Variants in TMOD2 observed in about 807,000 individuals in gnomAD.
TMOD2 encodes tropomodulin 2, also known as tropomodulin-2.
In TMOD2, 22 loss-of-function variants were observed where a neutral mutation model predicts 39.9. That is an observed-to-expected ratio of 0.55 (90% CI 0.39 to 0.79). The LOEUF (loss-of-function observed/expected upper bound fraction) is 0.79. Ranked by LOEUF, TMOD2 falls within the 30% of genes least tolerant of loss-of-function variation. TMOD2 has a pLI of 0.00. For missense variants in TMOD2, 386 were observed against 413.3 expected (o/e 0.93, Z 0.57); for synonymous variants, 123 against 146.1 (o/e 0.84, Z 1.14).
chr15:51,787,377 C>T (rs1482358351), intron 7 of TMOD2, among the ~76,000 whole-genome samples: 4 of 152,380 alleles, frequency 2.6e-5, no homozygotes, highest in Non-Finnish European at 5.9e-5. Flanking sequence ...CCCACCACAG[C>T]TCAGGAAGGC....
chr15:51,782,227 T>C (rs1432914288), intron 6 of TMOD2, among the ~76,000 whole-genome samples: 4 of 152,182 alleles, frequency 2.6e-5, no homozygotes, highest in Non-Finnish European at 4.4e-5. Context: ...CCAAATATCA[T>C]TGAATTGCAA....
intron 9 of TMOD2, among the ~76,000 whole-genome samples, chr15:51,806,934 C>G (rs1005997134): frequency 6.6e-6 from 1 of 152,198 alleles, no homozygotes; most frequent in Non-Finnish European, 1.5e-5. Flanking sequence ...TACTTTGGCA[C>G]TTTACATGTG....
intron 4 of TMOD2, 39 bp downstream of exon 4, chr15:51,773,873 A>G (rs547038584): frequency 2.0e-5 from 32 of 1,577,648 alleles, no homozygotes; most frequent in Middle Eastern, 1.7e-4. Context: ...GTCTGGCTCT[A>G]TGACCTCCGA....
chr15:51,806,298 C>T (rs1203882722), intron 8 of TMOD2, 79 bp from the exon 9 acceptor site: 7 of 1,539,818 alleles, frequency 4.5e-6, no homozygotes, highest in African/African-American at 4.1e-5. Context: ...CAGCAAGTAG[C>T]CTTGTCTTTT....
chr15:51,801,658 GA>G (rs1296495696), intron 8 of TMOD2, among the ~76,000 whole-genome samples: 5 of 152,154 alleles, frequency 3.3e-5, no homozygotes, highest in Non-Finnish European at 7.3e-5. Flanking sequence ...CCCATGGGAA[GA>G]ACAATCGGTG....
intron 7 of TMOD2, among the ~76,000 whole-genome samples, chr15:51,790,204 A>T (rs193013815): frequency 6.6e-6 from 1 of 152,344 alleles, no homozygotes; most frequent in African/African-American, 2.4e-5. Flanking sequence ...AATACAAACT[A>T]TCATCAGAGA....
rs2056138785 is a variant in TMOD2 at position 51,808,991 on chromosome 15, T to C, written c.*537T>C. ...TCTTAGTTCCAGAAAAATCAGTAAA[T>C]GCACATGCCCTGTTGATTGGAGATC... On this transcript the variant is annotated 3_prime_UTR_variant, in exon 10 of 10. Coordinates refer to ENST00000249700, the MANE Select transcript of TMOD2 (RefSeq NM_014548.4). 1.3e-5 allele frequency: 2 copies of C among 152,720 alleles called. No homozygotes were observed. The highest frequency in any genetic ancestry group is 4.1e-4 in the South Asian group (2 of 4,838). The allele number at this position is 152,720 out of a possible 1,614,324, so 9.5% of individuals were successfully genotyped here.
rs1223383192 is a variant in TMOD2 at position 51,812,906 on chromosome 15, C to T, written c.*4452C>T. The T allele has an allele frequency of 2.6e-5, 4 of 152,162 alleles. No individual in the cohort carries two copies. The highest frequency in any genetic ancestry group is 5.9e-5 in the Non-Finnish European group (4 of 68,054). The allele number at this position is 152,162 out of a possible 1,614,324, so 9.4% of individuals were successfully genotyped here. On this transcript the variant is annotated 3_prime_UTR_variant, in exon 10 of 10. Transcript: ENST00000249700. The stretch of plus-strand genomic sequence containing the variant: ...TCTTATTGCTTTCATCTCAAATATC[C>T]CTGCTACTCAACCAATCCTAAAGCT...
intron 7 of TMOD2, 31 bp downstream of exon 7, chr15:51,782,859 A>G (rs752950673): frequency 1.3e-6 from 2 of 1,576,980 alleles, no homozygotes; most frequent in East Asian, 2.2e-5. Context: ...TATAACATGA[A>G]GTTATTTAAT....
chr15:51,769,199 A>C (rs950239079), intron 3 of TMOD2, among the ~76,000 whole-genome samples: 1 of 152,188 alleles, frequency 6.6e-6, no homozygotes, highest in Non-Finnish European at 1.5e-5. Context: ...TCGAACCCCA[A>C]AGAAAGTTTT....
rs1309089540 is a variant in TMOD2 at position 51,813,227 on chromosome 15, T to C, written c.*4773T>C. On this transcript the variant is annotated 3_prime_UTR_variant, in exon 10 of 10. Transcript: ENST00000249700. ...TGGCAGAACTGAGATTTGCTCAGCT[T>C]ATCTCTTTCCCATCTGTCTGTAATA... is the stretch of plus-strand genomic sequence containing the variant. The C allele has an allele frequency of 6.6e-6, 1 of 152,238 alleles. No homozygotes were observed. The highest frequency in any genetic ancestry group is 2.4e-5 in the African/African-American group (1 of 41,462). 9.4% of individuals were successfully genotyped at this position (152,238 alleles called of 1,614,324 possible).
chr15:51,809,294 C>G lies in TMOD2; in HGVS notation c.*840C>G, dbSNP rs556184672. On this transcript the variant is annotated 3_prime_UTR_variant, in exon 10 of 10. Coordinates refer to ENST00000249700, the MANE Select transcript of TMOD2 (RefSeq NM_014548.4). ...TAAAACAGTACATTCCTGAATAAAA[C>G]AACAATATTGTATCTTAATCAAGGC... is the stretch of plus-strand genomic sequence containing the variant. 11 of 152,678 alleles carry G rather than the reference C, an allele frequency of 7.2e-5. No individual in the cohort carries two copies. In the South Asian group the frequency reaches 2.3e-3, roughly 32 times the overall value. The allele number at this position is 152,678 out of a possible 1,614,324, so 9.5% of individuals were successfully genotyped here.
chr15:51,781,536 T>G (rs2055929573), intron 6 of TMOD2, among the ~76,000 whole-genome samples: 2 of 152,182 alleles, frequency 1.3e-5, no homozygotes, highest in South Asian at 4.1e-4. Flanking sequence ...TCAAATGAGA[T>G]GGTAGTGAAG....
intron 1 of TMOD2, among the ~76,000 whole-genome samples, chr15:51,752,166 T>G (rs550295969): frequency 3.2e-4 from 48 of 152,222 alleles, no homozygotes; most frequent in Non-Finnish European, 6.2e-4. Context: ...AGGGGTGGAC[T>G]GGCCGGCGTC....
At chr15:51,768,458 C>CTTT (rs753910453) in intron 3 of TMOD2, 40 bp downstream of exon 3, 2 of 1,499,828 alleles carry the variant, frequency 1.3e-6, no homozygotes, top group South Asian at 1.2e-5. Context: ...CAGAGGTTCT[C>CTTT]TCTTTTTTTT....
rs58515125 is a variant in TMOD2, at chr15:51,765,255, C to A, written c.-69-1118C>A. On this transcript the variant is annotated intron_variant, in intron 1 of 9. Transcript: ENST00000249700. ...ACCTCAGGTGATCCACCTGCCTTGG[C>A]CTTCCAAAGTGCTGGGATTACAGGC... Among the ~76,000 whole-genome samples, 400 of 152,342 alleles carry A rather than the reference C, an allele frequency of 2.6e-3. 2 individuals carry two copies. The highest frequency in any genetic ancestry group is 9.1e-3 in the African/African-American group (380 of 41,574).
At chr15:51,790,745 T>C (rs975839040) in intron 7 of TMOD2, among the ~76,000 whole-genome samples, 1 of 152,012 alleles carries the variant, frequency 6.6e-6, no homozygotes. Context: ...CAAAACCAAC[T>C]ACAAAAACCA....
intron 8 of TMOD2, among the ~76,000 whole-genome samples, chr15:51,805,272 A>C (rs541952877): frequency 1.5e-3 from 230 of 152,270 alleles, no homozygotes; most frequent in African/African-American, 5.1e-3. Flanking sequence ...CGTCTTAAAA[A>C]AAAAGAAAAA....
At chr15:51,798,071 A>G (rs1241757174) in intron 7 of TMOD2, 126 bp from the exon 8 acceptor site, 1 of 769,302 alleles carries the variant, frequency 1.3e-6, no homozygotes, top group African/African-American at 1.8e-5. Flanking sequence ...TGAAAGTATG[A>G]TTTGATGAAG....
Sources: allele counts gnomAD v4.1 joint callset (sites outside exome capture counted in the v4.1 genomes callset), GRCh38; gene constraint gnomAD v4.1.1; transcripts MANE v1.5; gene names NCBI Gene and HGNC (gene_info 2026-07-23, HGNC 2026-07-21).